The following ELP4 variants were observed in gnomAD, a reference collection of about 807,000 sequenced individuals.
ELP4 encodes elongator acetyltransferase complex subunit 4, also known as elongator complex protein 4.
Under a neutral mutation model 48.9 loss-of-function variants are expected in ELP4, and 51 were observed. The observed-to-expected ratio is 1.04, with a 90% CI of 0.83 to 1.32. The LOEUF (loss-of-function observed/expected upper bound fraction) is 1.32, where lower values mean the gene tolerates loss of function less well. Ranked by LOEUF, ELP4 falls within the 40% of genes most tolerant of loss-of-function variation. The pLI is 0.00. For synonymous variants in ELP4, 210 were observed against 189.2 expected (o/e 1.11, Z -0.90); for missense variants, 519 against 514.6 (o/e 1.01, Z -0.08).
At chr11:31,636,339 A>G (rs1012710944) in intron 7 of ELP4, among the ~76,000 whole-genome samples, 2 of 152,030 alleles carry the variant, frequency 1.3e-5, no homozygotes, top group Non-Finnish European at 2.9e-5. Flanking sequence ...TTGGGTATGT[A>G]TAGATAATAA....
At chr11:31,745,175 A>T (rs1242641651) in intron 9 of ELP4, among the ~76,000 whole-genome samples, 10 of 152,158 alleles carry the variant, frequency 6.6e-5, no homozygotes, top group Non-Finnish European at 1.2e-4. Flanking sequence ...TAGGAATCCA[A>T]CTTACAAGGG....
At chr11:31,709,489 C>T (rs937114224) in intron 9 of ELP4, among the ~76,000 whole-genome samples, 1 of 152,042 alleles carries the variant, frequency 6.6e-6, no homozygotes, top group African/African-American at 2.4e-5. Context: ...TGTAATGATA[C>T]CAAGTCTCGT....
At chr11:31,763,495 T>C in intron 9 of ELP4, 1 of 1,611,428 alleles carries the variant, frequency 6.2e-7, no homozygotes, top group African/African-American at 1.3e-5. Context: ...AGACTCTGCA[T>C]GGGGAGAAGG....
intron 3 of ELP4, among the ~76,000 whole-genome samples, chr11:31,552,702 AT>A (rs1348240033): frequency 6.6e-6 from 1 of 152,074 alleles, no homozygotes; most frequent in Non-Finnish European, 1.5e-5. Context: ...CTTCAGTCTG[AT>A]CTCACCAAAA....
chr11:31,772,120 CTTTTTT>C (rs11406554), intron 9 of ELP4, among the ~76,000 whole-genome samples: 10 of 132,148 alleles, frequency 7.6e-5, no homozygotes, highest in Non-Finnish European at 1.4e-4. Context: ...TTATTTTCTT[CTTTTTT>C]TTTTTTTTTT....
At chr11:31,534,542 C>T (rs1956468609) in intron 2 of ELP4, among the ~76,000 whole-genome samples, 1 of 151,988 alleles carries the variant, frequency 6.6e-6, no homozygotes, top group Non-Finnish European at 1.5e-5. Context: ...GAATATTATT[C>T]AGCCTTAAAC....
intron 3 of ELP4, among the ~76,000 whole-genome samples, chr11:31,566,785 A>AT (rs1197085541): frequency 6.6e-6 from 1 of 152,096 alleles, no homozygotes; most frequent in Non-Finnish European, 1.5e-5. Context: ...ATTCACTTAA[A>AT]TTTTTTATTT....
chr11:31,633,113 T>C (rs1944899260), intron 7 of ELP4: 1 of 152,084 alleles, frequency 6.6e-6, no homozygotes, highest in Admixed American at 6.6e-5. Flanking sequence ...ACCTAGGCTT[T>C]TCCTAGATAT....
At chr11:31,695,724 A>T (rs1946388413) in intron 9 of ELP4, among the ~76,000 whole-genome samples, 1 of 145,752 alleles carries the variant, frequency 6.9e-6, no homozygotes, top group African/African-American at 2.5e-5. Flanking sequence ...ATTGATTGGA[A>T]TAGTTTCAGA....
chr11:31,568,530 A>G (rs751595911), intron 3 of ELP4, among the ~76,000 whole-genome samples: 1 of 152,230 alleles, frequency 6.6e-6, no homozygotes, highest in Non-Finnish European at 1.5e-5. Context: ...CTCAAACTAT[A>G]CTACAAGGCT....
intron 9 of ELP4, among the ~76,000 whole-genome samples, chr11:31,743,452 C>G (rs1947505434): frequency 6.6e-6 from 1 of 152,272 alleles, no homozygotes; most frequent in South Asian, 2.1e-4. Flanking sequence ...ACATTCTTTT[C>G]AGCACCACAC....
intron 9 of ELP4, among the ~76,000 whole-genome samples, chr11:31,740,418 G>A (rs765002180): frequency 2.0e-5 from 3 of 152,224 alleles, no homozygotes; most frequent in Non-Finnish European, 4.4e-5. Context: ...GATGTGAAAT[G>A]TGCCAACTGT....
intron 1 of ELP4, chr11:31,510,721 T>A (rs1029338736): frequency 9.2e-6 from 2 of 217,308 alleles, no homozygotes; most frequent in Non-Finnish European, 1.8e-5. Flanking sequence ...GAGAAAAGTC[T>A]AGTTCTTAGG....
chr11:31,668,900 G>A (rs1592207566), intron 9 of ELP4, among the ~76,000 whole-genome samples: 1 of 151,650 alleles, frequency 6.6e-6, no homozygotes, highest in Non-Finnish European at 1.5e-5. Context: ...ATTTATGAAG[G>A]TATTTTAGTT....
chr11:31,778,451 T>C (rs1416084769), intron 9 of ELP4, among the ~76,000 whole-genome samples: 1 of 152,220 alleles, frequency 6.6e-6, no homozygotes, highest in Non-Finnish European at 1.5e-5. Context: ...TTCGTTATAT[T>C]TGTAGATTGA....
At chr11:31,553,764 A>ACACACACC (rs1491538602) in intron 3 of ELP4, among the ~76,000 whole-genome samples, 7 of 141,964 alleles carry the variant, frequency 4.9e-5, no homozygotes, top group South Asian at 2.3e-4. Flanking sequence ...ACACACACAC[A>ACACACACC]CCCTATTGGT....
At chr11:31,663,776 C>G (rs2134094374) in intron 9 of ELP4, 1 of 151,866 alleles carries the variant, frequency 6.6e-6, no homozygotes, top group African/African-American at 2.4e-5. Context: ...AATGTTGGTC[C>G]TGGTAAGATT....
chr11:31,614,722 T>A (rs781751219), intron 5 of ELP4, among the ~76,000 whole-genome samples: 3 of 152,168 alleles, frequency 2.0e-5, no homozygotes, highest in Non-Finnish European at 4.4e-5. Flanking sequence ...AATATTTCTG[T>A]GATATTTCCA....
chr11:31,606,788 T>C (rs569147482), intron 5 of ELP4, among the ~76,000 whole-genome samples: 3 of 152,312 alleles, frequency 2.0e-5, no homozygotes, highest in African/African-American at 7.2e-5. Flanking sequence ...CAAGCATAGT[T>C]TGGTTTCCTT....
Sources: gnomAD v4.1 joint callset for allele counts (sites outside exome capture counted in the v4.1 genomes callset) on GRCh38, gnomAD v4.1.1 for gene constraint, MANE v1.5 for transcripts, NCBI Gene and HGNC (gene_info 2026-07-23, HGNC 2026-07-21) for gene names.